HUNK: variants seen among roughly 807,000 people sequenced by gnomAD.
The protein encoded by HUNK is hormonally up-regulated Neu-associated kinase.
Under a neutral mutation model 61.0 loss-of-function variants are expected in HUNK, and 21 were observed. That is an observed-to-expected ratio of 0.34 (90% confidence interval 0.24 to 0.50). The LOEUF (loss-of-function observed/expected upper bound fraction) is 0.50, where lower values mean the gene tolerates loss of function less well. Among genes scored for constraint, HUNK ranks in the 20% least tolerant of loss-of-function variants. The pLI, the probability that HUNK is intolerant of heterozygous loss-of-function variation, is 0.98. For synonymous variants in HUNK, 371 were observed against 386.1 expected (o/e 0.96, Z 0.46); for missense variants, 772 against 945.7 (o/e 0.82, Z 2.41).
chr21:31,925,904 T>C (rs983258413), intron 2 of HUNK, among the ~76,000 whole-genome samples: 8 of 150,864 alleles, frequency 5.3e-5, no homozygotes, highest in Non-Finnish European at 8.8e-5. Context: ...TACTCTGGGT[T>C]ATTGAGAACA....
intron 2 of HUNK, among the ~76,000 whole-genome samples, chr21:31,931,072 A>AC (rs2052693332): frequency 6.7e-6 from 1 of 150,190 alleles, no homozygotes; most frequent in African/African-American, 2.4e-5. Flanking sequence ...CCTAACCAAA[A>AC]AAAAAAAAAA....
At chr21:31,965,281 A>G (rs557073185) in intron 5 of HUNK, among the ~76,000 whole-genome samples, 2 of 151,730 alleles carry the variant, frequency 1.3e-5, no homozygotes, top group African/African-American at 4.8e-5. Context: ...GGAACAATAG[A>G]CACTGGGGCC....
intron 2 of HUNK, among the ~76,000 whole-genome samples, chr21:31,925,941 A>G (rs1265727085): frequency 7.3e-6 from 1 of 136,318 alleles, no homozygotes; most frequent in East Asian, 2.2e-4. Context: ...TTTTTTTTTG[A>G]GACTGAGTCT....
Position 31,999,949 on chromosome 21 carries a change from A to G in HUNK, c.*765A>G, listed in dbSNP as rs1382006525. ...AAACTTGGATGGAGAGATGAGAAGCAATTCCACCAAACTCATGTTTTCACA... is the reference window on the plus strand; with the variant it reads ...AAACTTGGATGGAGAGATGAGAAGCGATTCCACCAAACTCATGTTTTCACA... On this transcript the variant is annotated 3_prime_UTR_variant, in exon 11 of 11. Coordinates refer to ENST00000270112, the MANE Select transcript of HUNK (RefSeq NM_014586.2). 2.5e-6 allele frequency: 1 copy of G among 393,876 alleles called. No homozygotes were observed. Among genetic ancestry groups the G allele is most frequent in the African/African-American group, 2.1e-5 (1 of 48,522 alleles). The allele number at this position is 393,876 out of a possible 1,614,324, so 24.4% of individuals were successfully genotyped here.
chr21:31,900,479 A>ACACACACACACACACAC (rs57151018), intron 1 of HUNK, among the ~76,000 whole-genome samples: 19 of 151,572 alleles, frequency 1.3e-4, no homozygotes, highest in Non-Finnish European at 1.5e-4. Context: ...ACACACACAC[A>ACACACACACACACACAC]AACTCTACTG....
chr21:31,873,949 G>A lies in HUNK; in HGVS notation c.261+14G>A. The A allele has an allele frequency of 6.7e-7, 1 of 1,487,534 alleles. No homozygotes were observed. The highest frequency in any genetic ancestry group is 8.9e-7 in the Non-Finnish European group (1 of 1,118,590). 92.1% of individuals were successfully genotyped at this position (1,487,534 alleles called of 1,614,324 possible). ...ACCGGGGAGAAGGTGAGTCTCCCGG[G>A]CGCCGTGGGGCTGGGGCACAGGGGC... On this transcript the variant is annotated intron_variant, in intron 1 of 10. Coordinates refer to ENST00000270112, the MANE Select transcript of HUNK (RefSeq NM_014586.2). The surrounding 1 kb of genome is among the most constrained non-coding windows in gnomAD (Gnocchi z 6.1).
intron 5 of HUNK, among the ~76,000 whole-genome samples, chr21:31,960,965 T>A (rs6517069): frequency 0.89 from 135,979 of 152,246 alleles, 60,806 homozygotes; most frequent in African/African-American, 0.91. Flanking sequence ...ATGTACAATC[T>A]TGTGTGTTGC....
At chr21:31,998,043 A>G (rs1209868043) in intron 10 of HUNK, among the ~76,000 whole-genome samples, 2 of 151,860 alleles carry the variant, frequency 1.3e-5, no homozygotes, top group Non-Finnish European at 2.9e-5. Context: ...TCAGCCTCCC[A>G]AGTAGTTAGG....
At position 31,873,148 on chromosome 21, in the gene HUNK, G is replaced by A. The variant is rs542222932; in HGVS notation, c.-527G>A. 6.6e-6 allele frequency among the ~76,000 whole-genome samples: 1 copy of A among 152,196 alleles called. No individual in the cohort carries two copies. Among genetic ancestry groups the A allele is most frequent in the East Asian group, 1.9e-4 (1 of 5,144 alleles). On this transcript the variant is annotated 5_prime_UTR_variant, in exon 1 of 11. Transcript: ENST00000270112. The surrounding 1 kb of genome is among the most constrained non-coding windows in gnomAD (Gnocchi z 6.1). The stretch of plus-strand genomic sequence containing the variant: ...CTTCTGCTGCCTTCCAGAGGGCGCC[G>A]GCAGCCCGCCGCGCGCTTCTCTCCG...
rs116210436 is a variant in HUNK, at chr21:31,966,861, C to T, written c.875-1389C>T. ...ATGTTGGAAATCAAGTACAAAGCTA[C>T]GTAAAAGAATTCTTCATATTGCAAA... On this transcript the variant is annotated intron_variant, in intron 5 of 10. Transcript: ENST00000270112. Among the ~76,000 whole-genome samples, 1,092 of 152,192 alleles carry T rather than the reference C, an allele frequency of 7.2e-3. 7 individuals are homozygous for T. The highest frequency in any genetic ancestry group is 0.024 in the African/African-American group (985 of 41,516).
chr21:31,989,586 CG>C (rs766224448), intron 8 of HUNK, among the ~76,000 whole-genome samples: 3 of 151,918 alleles, frequency 2.0e-5, no homozygotes, highest in Admixed American at 6.6e-5. Flanking sequence ...TGGTGGTGCA[CG>C]CCTGTAATCC....
rs1335859796 is a variant in HUNK, at chr21:31,974,645, C to T, written c.1101C>T (p.Leu367=). Residue 367 remains leucine, a synonymous_variant, in exon 7 of 11, where the codon CTC becomes CTT. Coordinates refer to ENST00000270112, the MANE Select transcript of HUNK (RefSeq NM_014586.2). ...YKNSDVINTV[L]SNRACHILAI... ...ACAGCGACGTGATCAACACTGTGCT[C>T]TCCAACCGCGCCTGCCACATCCTGG... The T allele has an allele frequency of 6.2e-7, 1 of 1,613,862 alleles. No individual in the cohort carries two copies.
chr21:31,893,127 A>C (rs1184035969), intron 1 of HUNK, among the ~76,000 whole-genome samples: 2 of 152,084 alleles, frequency 1.3e-5, no homozygotes, highest in Non-Finnish European at 1.5e-5. Flanking sequence ...CATCGTATGC[A>C]TGGGAGTCCC....
At chr21:31,987,396 A>G (rs1244581087) in intron 8 of HUNK, among the ~76,000 whole-genome samples, 1 of 152,208 alleles carries the variant, frequency 6.6e-6, no homozygotes, top group Non-Finnish European at 1.5e-5. Context: ...ACTTAGGTGC[A>G]TGGAGAGCCC....
intron 1 of HUNK, among the ~76,000 whole-genome samples, chr21:31,887,020 G>A (rs1454805716): frequency 6.6e-6 from 1 of 152,198 alleles, no homozygotes; most frequent in East Asian, 1.9e-4. Flanking sequence ...TGTCCAAGTT[G>A]GCAGGCTCTG....
intron 7 of HUNK, among the ~76,000 whole-genome samples, chr21:31,977,564 C>T (rs2123854459): frequency 6.6e-6 from 1 of 152,334 alleles, no homozygotes; most frequent in South Asian, 2.1e-4. Flanking sequence ...TTTTAAAAAA[C>T]TGTCCTATGT....
intron 3 of HUNK, among the ~76,000 whole-genome samples, chr21:31,942,039 G>A (rs548306097): frequency 9.8e-5 from 15 of 152,286 alleles, no homozygotes; most frequent in South Asian, 4.2e-4. Context: ...TGAAACCCCC[G>A]TCTCTATTAA....
chr21:31,981,114 C>T (rs1159755054), intron 7 of HUNK, among the ~76,000 whole-genome samples: 1 of 152,228 alleles, frequency 6.6e-6, no homozygotes, highest in Non-Finnish European at 1.5e-5. Context: ...AAGAGGATCT[C>T]CTTTCCCCAT....
chr21:31,896,942 AC>A (rs2123796580), intron 1 of HUNK, among the ~76,000 whole-genome samples: 1 of 152,328 alleles, frequency 6.6e-6, no homozygotes, highest in South Asian at 2.1e-4. Context: ...ATAACAAAGT[AC>A]TATAAACTGT....
Sources: gnomAD v4.1 joint callset for allele counts (sites outside exome capture counted in the v4.1 genomes callset) on GRCh38, gnomAD v4.1.1 for gene constraint, Gnocchi (gnomAD v3.1) non-coding constraint, MANE v1.5 for transcripts, NCBI Gene and HGNC (gene_info 2026-07-23, HGNC 2026-07-21) for gene names.